TMC1: variants seen among roughly 807,000 people sequenced by gnomAD.
The protein encoded by TMC1 is transmembrane channel like 1, also known as transmembrane channel-like protein 1.
A neutral mutation model predicts 105.8 loss-of-function variants in TMC1; 84 were observed. The observed-to-expected ratio is 0.79, with a 90% CI of 0.67 to 0.95. The LOEUF (loss-of-function observed/expected upper bound fraction) is 0.95, where lower values mean the gene tolerates loss of function less well. TMC1 is among the 40% of genes least tolerant of loss of function. TMC1 has a pLI of 0.00. For synonymous variants in TMC1, 315 were observed against 311.5 expected (o/e 1.01, Z -0.12); for missense variants, 817 against 914.1 (o/e 0.89, Z 1.37).
intron 13 of TMC1, 23 bp from the exon 14 acceptor site, chr9:72,788,316 G>A (rs775133069): frequency 1.2e-6 from 2 of 1,613,742 alleles, no homozygotes; most frequent in South Asian, 2.2e-5. Context: ...CTGGCTGCTG[G>A]GTTAAACTTC....
intron 8 of TMC1, among the ~76,000 whole-genome samples, chr9:72,736,070 T>C (rs1032494853): frequency 6.6e-6 from 1 of 152,056 alleles, no homozygotes; most frequent in Non-Finnish European, 1.5e-5. Context: ...AATTCATACC[T>C]GAGATTATGT....
At chr9:72,778,040 G>A (rs1367579422) in intron 13 of TMC1, among the ~76,000 whole-genome samples, 1 of 152,174 alleles carries the variant, frequency 6.6e-6, no homozygotes, top group Non-Finnish European at 1.5e-5. Flanking sequence ...GCAAAATAAA[G>A]TCCTTGCCTC....
chr9:72,819,634 A>G (rs1012743320), intron 19 of TMC1, among the ~76,000 whole-genome samples: 12 of 152,214 alleles, frequency 7.9e-5, no homozygotes, highest in African/African-American at 2.9e-4. Context: ...CACTTTTCAA[A>G]TAAATGAGTT....
At chr9:72,603,462 G>A (rs1403815656) in intron 2 of TMC1, among the ~76,000 whole-genome samples, 2 of 150,990 alleles carry the variant, frequency 1.3e-5, no homozygotes, top group Admixed American at 6.6e-5. Flanking sequence ...ATTTTTCATG[G>A]GTATGTTGTC....
chr9:72,620,313 C>T (rs1825224183), intron 3 of TMC1, among the ~76,000 whole-genome samples: 2 of 152,104 alleles, frequency 1.3e-5, no homozygotes, highest in African/African-American at 4.8e-5. Flanking sequence ...GTACTCATGG[C>T]TCACTGAAGC....
At chr9:72,825,989 T>C (rs1828946849) in intron 20 of TMC1, among the ~76,000 whole-genome samples, 1 of 152,202 alleles carries the variant, frequency 6.6e-6, no homozygotes, top group African/African-American at 2.4e-5. Context: ...TGTTATTTAG[T>C]AGTTGAAAAT....
At chr9:72,550,840 A>T (rs1281601742) in intron 1 of TMC1, among the ~76,000 whole-genome samples, 1 of 152,050 alleles carries the variant, frequency 6.6e-6, no homozygotes, top group Non-Finnish European at 1.5e-5. Flanking sequence ...GGGCAAAAGG[A>T]ATTTTTCAAG....
intron 5 of TMC1, among the ~76,000 whole-genome samples, chr9:72,675,905 G>C (rs1245023543): frequency 6.7e-6 from 1 of 150,328 alleles, no homozygotes; most frequent in African/African-American, 2.5e-5. Context: ...TCCCAATCTA[G>C]GCTCCATTGA....
At chr9:72,531,089 TG>T (rs1412458822) in intron 1 of TMC1, among the ~76,000 whole-genome samples, 10 of 152,182 alleles carry the variant, frequency 6.6e-5, no homozygotes, top group African/African-American at 2.2e-4. Context: ...CCACCCACCT[TG>T]GCCTTCCAAA....
intron 5 of TMC1, among the ~76,000 whole-genome samples, chr9:72,668,118 A>T (rs536077940): frequency 2.0e-5 from 3 of 152,348 alleles, no homozygotes; most frequent in African/African-American, 7.2e-5. Flanking sequence ...AGATTTCATT[A>T]GATTAGTATA....
intron 1 of TMC1, among the ~76,000 whole-genome samples, chr9:72,524,731 A>T (rs1823377322): frequency 6.6e-6 from 1 of 152,188 alleles, no homozygotes; most frequent in African/African-American, 2.4e-5. Context: ...TGCATTCTCA[A>T]TTTTTTTAAG....
chr9:72,689,102 C>T (rs1826420619), intron 6 of TMC1, among the ~76,000 whole-genome samples: 1 of 152,030 alleles, frequency 6.6e-6, no homozygotes, highest in Non-Finnish European at 1.5e-5. Context: ...CATTTTTATG[C>T]TTAGGTTCAA....
rs146966079 is a variant in TMC1 at position 72,823,266 on chromosome 9, G to A, written c.2003+2185G>A. On this transcript the variant is annotated intron_variant, in intron 20 of 23. Transcript: ENST00000297784. ...CTGGACTTAAAAGTTTGAAAGGATT[G>A]TCCTGCTCTAGAAATGAGGTGAGAA... Among the ~76,000 whole-genome samples the A allele has an allele frequency of 3.6e-3, 546 of 152,154 alleles. 3 individuals are homozygous for A. The highest frequency in any genetic ancestry group is 0.012 in the African/African-American group (504 of 41,514).
At chr9:72,649,486 A>C (rs1825766642) in intron 5 of TMC1, among the ~76,000 whole-genome samples, 1 of 152,194 alleles carries the variant, frequency 6.6e-6, no homozygotes, top group Non-Finnish European at 1.5e-5. Flanking sequence ...CAGAGACCTC[A>C]TTTAGAGATA....
chr9:72,569,418 G>T (rs370002217), intron 1 of TMC1, among the ~76,000 whole-genome samples: 138 of 152,222 alleles, frequency 9.1e-4, no homozygotes, highest in African/African-American at 3.1e-3. Flanking sequence ...TACTGAAAGA[G>T]AATTGGGAAA....
intron 1 of TMC1, among the ~76,000 whole-genome samples, chr9:72,572,258 G>A (rs964154656): frequency 6.6e-5 from 10 of 151,524 alleles, no homozygotes; most frequent in South Asian, 2.1e-4. Flanking sequence ...GTGCAGTGGC[G>A]TGATCTCGGC....
intron 5 of TMC1, among the ~76,000 whole-genome samples, chr9:72,668,053 G>C (rs1371972308): frequency 1.3e-5 from 2 of 148,812 alleles, no homozygotes; most frequent in Non-Finnish European, 3.0e-5. Context: ...TTCCTAGTTA[G>C]ATTGTGACAT....
Position 72,621,446 on chromosome 9 carries a change from A to G in TMC1, c.-196+4969A>G, listed in dbSNP as rs373813860. 6.6e-5 allele frequency among the ~76,000 whole-genome samples: 10 copies of G among 152,326 alleles called. No individual in the cohort carries two copies. The East Asian group carries it at 1.3e-3, about 21-fold the overall frequency. ...TGAATATTTTCCAAGTCCTCAATCC[A>G]AAAGTGTGGACATAGCTGTTGGTTT... On this transcript the variant is annotated intron_variant, in intron 3 of 23. Transcript: ENST00000297784.
chr9:72,812,220 G>A (rs1401451346), intron 18 of TMC1, among the ~76,000 whole-genome samples: 3 of 152,202 alleles, frequency 2.0e-5, no homozygotes, highest in Non-Finnish European at 4.4e-5. Flanking sequence ...TGGTAGAATG[G>A]AGTTAGCAAA....
Sources: allele counts gnomAD v4.1 joint callset (sites outside exome capture counted in the v4.1 genomes callset), GRCh38; gene constraint gnomAD v4.1.1; transcripts MANE v1.5; gene names NCBI Gene and HGNC (gene_info 2026-07-23, HGNC 2026-07-21).